FMO5: variants seen among roughly 807,000 people sequenced by gnomAD.
The protein encoded by FMO5 is flavin containing dimethylaniline monoxygenase 5.
In FMO5, 51 loss-of-function variants were observed where a neutral mutation model predicts 43.6. The ratio of observed to expected loss-of-function variants is 1.17; its 90% confidence interval spans 0.93 to 1.48. The LOEUF (loss-of-function observed/expected upper bound fraction) is 1.48. FMO5 is among the 40% of genes most tolerant of loss of function. The pLI is 0.00. For synonymous variants in FMO5, 187 were observed against 216.5 expected (o/e 0.86, Z 1.20); for missense variants, 644 against 643.0 (o/e 1.00, Z -0.02).
Position 147,225,270 on chromosome 1 carries a change from G to GCGGTGAGATC in FMO5, c.-38+16_-38+17insGATCTCACCG. 9.4e-7 allele frequency: 1 copy of GCGGTGAGATC among 1,062,160 alleles called. No individual in the cohort carries two copies. Among genetic ancestry groups the GCGGTGAGATC allele is most frequent in the Non-Finnish European group, 1.3e-6 (1 of 784,924 alleles). The allele number at this position is 1,062,160 out of a possible 1,614,324, so 65.8% of individuals were successfully genotyped here. A position where few individuals can be genotyped will look rare whatever the true frequency, so the allele number is the denominator to read the frequency against. On this transcript the variant is annotated intron_variant, in intron 1 of 8. Transcript: ENST00000254090. ...GACCCAGAGCTGAGAGTGCTCTGCT[G>GCGGTGAGATC]CGGTACCGGATCTCACCGCCTTTCC...
At chr1:147,224,108 G>A (rs897282587) in intron 2 of FMO5, 2 of 354,778 alleles carry the variant, frequency 5.6e-6, no homozygotes, top group East Asian at 8.9e-5. Flanking sequence ...CATTATCAAG[G>A]GTGAGGTAAG....
intron 6 of FMO5, among the ~76,000 whole-genome samples, chr1:147,205,775 T>C (rs1378256366): frequency 6.6e-6 from 1 of 152,070 alleles, no homozygotes; most frequent in Non-Finnish European, 1.5e-5. Context: ...TCAAAATGGA[T>C]TAAAGACTTA....
At chr1:147,192,356 G>A (rs1657039682) in intron 7 of FMO5, among the ~76,000 whole-genome samples, 2 of 152,076 alleles carry the variant, frequency 1.3e-5, no homozygotes, top group South Asian at 2.1e-4. Flanking sequence ...TTTGTACATT[G>A]ATTTTGTATC....
At chr1:147,185,107 G>A (rs587740341), downstream of FMO5, among the ~76,000 whole-genome samples, 11 of 152,074 alleles carry the variant, frequency 7.2e-5, no homozygotes, top group South Asian at 1.2e-3. Flanking sequence ...TGTATCTTAA[G>A]TTGTTTTGAG....
In FMO5 at chr1:147,201,324, T is replaced by G. The variant is rs894469; in HGVS notation, c.1011A>C (p.Pro337=). The G allele has an allele frequency of 6.2e-7, 1 of 1,614,060 alleles. No homozygotes were observed. Among genetic ancestry groups the G allele is most frequent in the Non-Finnish European group, 8.5e-7 (1 of 1,180,002 alleles). ...IFATGYSFDF[P]FLEDSVKVVK... Reference sequence around the variant, plus strand: ...CCACTTTGACGGAATCTTCCAGAAATGGAAAGTCAAAGCTATAGCCTGTGG... The same window carrying G: ...CCACTTTGACGGAATCTTCCAGAAAGGGAAAGTCAAAGCTATAGCCTGTGG... The change falls in exon 7 of 9, where the codon CCA becomes CCC. Residue 337 remains proline, a synonymous_variant. Transcript: ENST00000254090.
intron 6 of FMO5, among the ~76,000 whole-genome samples, chr1:147,207,077 C>A (rs1660229415): frequency 6.6e-6 from 1 of 151,254 alleles, no homozygotes. Flanking sequence ...GGGGATATTG[C>A]CAATGTATTA....
At chr1:147,220,114 A>G (rs1302432428) in intron 2 of FMO5, among the ~76,000 whole-genome samples, 1 of 152,196 alleles carries the variant, frequency 6.6e-6, no homozygotes, top group African/African-American at 2.4e-5. Context: ...CTGGGATTAC[A>G]GGCATGAGCC....
intron 7 of FMO5, among the ~76,000 whole-genome samples, chr1:147,196,663 C>G (rs1194364317): frequency 1.3e-5 from 2 of 151,998 alleles, no homozygotes; most frequent in South Asian, 2.1e-4. Flanking sequence ...ACAGTTATGT[C>G]TTAATTCATA....
intron 2 of FMO5, among the ~76,000 whole-genome samples, chr1:147,218,270 T>C (rs1321206153): frequency 6.7e-6 from 1 of 148,538 alleles, no homozygotes; most frequent in Non-Finnish European, 1.5e-5. Context: ...GGAGTCTCAC[T>C]CTGTCGCCAG....
chr1:147,224,919 G>A lies in FMO5; in HGVS notation c.111C>T (p.Asp37=), dbSNP rs782173882. 16 of 1,614,044 alleles carry A rather than the reference G, an allele frequency of 9.9e-6. No individual in the cohort carries two copies. The highest frequency in any genetic ancestry group is 1.0e-5 in the Non-Finnish European group (12 of 1,180,000). ...CCTGGAACCTCCAGAGCCCTCCGAT[G>A]TCATCAGTCCTTTCAAAGCAGACAG... ...LEPVCFERTD[D]IGGLWRFQEN... The change falls in exon 2 of 9, where the codon GAC becomes GAT. Residue 37 remains aspartate, a synonymous_variant. Transcript: ENST00000254090.
chr1:147,225,569 A>G (rs1179981383), upstream of FMO5: 1 of 155,248 alleles, frequency 6.4e-6, no homozygotes, highest in Non-Finnish European at 1.4e-5. Context: ...AGCACTCTCA[A>G]TTACTTTCTC....
In FMO5 at chr1:147,202,815, C is replaced by G. The variant is rs587707917; in HGVS notation, c.831-1311G>C. On this transcript the variant is annotated intron_variant, in intron 6 of 8. Transcript: ENST00000254090. ...CTCCAAACCTACTCCTTTTCACCAGCAGTACCACCATCCATCCATATAGTT... is the reference window on the plus strand; with the variant it reads ...CTCCAAACCTACTCCTTTTCACCAGGAGTACCACCATCCATCCATATAGTT... Among the ~76,000 whole-genome samples the G allele has an allele frequency of 6.6e-5, 10 of 152,280 alleles. No homozygotes were observed. In the East Asian group the frequency reaches 1.9e-3, roughly 29 times the overall value.
In FMO5 at chr1:147,212,493, T is replaced by C. The variant is rs1222401972; in HGVS notation, c.530A>G (p.Tyr177Cys). Residue 177 changes from tyrosine (Y) to cysteine (C), a missense_variant, in exon 5 of 9, where the codon TAT (tyrosine) becomes TGT (cysteine). Physicochemically the swap from Tyr to Cys is radical, Grantham distance 194. Coordinates refer to ENST00000254090, the MANE Select transcript of FMO5 (RefSeq NM_001461.4). ...TCCAGTGAATCCCTCTGGGTTCTTA[T>C]AGTCTCGACTGTGGAAGTACTGCCC... ...FKGQYFHSRD[Y>C]KNPEGFTGKR... 7.4e-6 allele frequency: 12 copies of C among 1,613,716 alleles called. No homozygotes were observed. The highest frequency in any genetic ancestry group is 5.0e-5 in the Admixed American group (3 of 60,004).
chr1:147,193,703 T>C (rs1553919074), intron 7 of FMO5, among the ~76,000 whole-genome samples: 2 of 152,216 alleles, frequency 1.3e-5, no homozygotes, highest in Non-Finnish European at 2.9e-5. Flanking sequence ...TCTGGTATGT[T>C]GTGTCTTTGT....
intron 6 of FMO5, among the ~76,000 whole-genome samples, chr1:147,207,384 C>T (rs1387709736): frequency 6.6e-6 from 1 of 152,050 alleles, no homozygotes; most frequent in Non-Finnish European, 1.5e-5. Flanking sequence ...TAGATCTGAA[C>T]ATTTTCAAAA....
intron 7 of FMO5, among the ~76,000 whole-genome samples, chr1:147,193,260 T>A (rs587677361): frequency 6.6e-6 from 1 of 152,292 alleles, no homozygotes; most frequent in African/African-American, 2.4e-5. Flanking sequence ...GTTGAGGAAT[T>A]TATCCGTTTC....
intron 2 of FMO5, among the ~76,000 whole-genome samples, chr1:147,219,856 T>A: frequency 6.6e-6 from 1 of 150,550 alleles, no homozygotes; most frequent in East Asian, 1.9e-4. Context: ...TTTTTTTTTT[T>A]GAGACAGAGT....
intron 7 of FMO5, among the ~76,000 whole-genome samples, chr1:147,195,763 T>C (rs1377917146): frequency 2.0e-5 from 3 of 152,134 alleles, no homozygotes; most frequent in African/African-American, 7.2e-5. Flanking sequence ...CATAAAATTG[T>C]GGAATATGGA....
intron 6 of FMO5, chr1:147,204,164 A>C (rs1659545609): frequency 1.6e-6 from 2 of 1,228,682 alleles, no homozygotes; most frequent in Non-Finnish European, 2.4e-6. Flanking sequence ...CTTTATCAAC[A>C]CTGTTCCCTT....
Sources: allele counts gnomAD v4.1 joint callset (sites outside exome capture counted in the v4.1 genomes callset), GRCh38; gene constraint gnomAD v4.1.1; transcripts MANE v1.5; gene names NCBI Gene and HGNC (gene_info 2026-07-23, HGNC 2026-07-21).